The following DOCK3 variants were observed in gnomAD, a reference collection of about 807,000 sequenced individuals.
DOCK3 encodes dedicator of cytokinesis 3.
A neutral mutation model predicts 265.6 loss-of-function variants in DOCK3; 60 were observed. That is an observed-to-expected ratio of 0.23 (90% CI 0.18 to 0.28). DOCK3 has a LOEUF of 0.28. Among genes scored for constraint, DOCK3 ranks in the 10% least tolerant of loss-of-function variants. The pLI is 1.00. For missense variants in DOCK3, 1,981 were observed against 2,594.3 expected (o/e 0.76, Z 5.14); for synonymous variants, 881 against 938.0 (o/e 0.94, Z 1.11).
intron 2 of DOCK3, chr3:50,787,114 C>A (rs2042225167): frequency 4.2e-6 from 3 of 706,122 alleles, no homozygotes; most frequent in Non-Finnish European, 8.0e-6. Flanking sequence ...TTACAGGCAA[C>A]AAACTAAATG....
At position 50,741,751 on chromosome 3, in the gene DOCK3, T is replaced by G. The variant is rs573594932; in HGVS notation, c.38-36924T>G. Among the ~76,000 whole-genome samples the G allele has an allele frequency of 4.9e-3, 741 of 152,114 alleles. 9 individuals carry two copies. Among genetic ancestry groups the G allele is most frequent in the African/African-American group, 0.017 (697 of 41,474 alleles). On this transcript the variant is annotated intron_variant, in intron 1 of 52. Transcript: ENST00000266037. ...AATAAACATACGTGTGCGTGTGTCT[T>G]TATAGCAGCATGATTTATAGTCCTT... is the stretch of plus-strand genomic sequence containing the variant.
At chr3:50,865,988 T>G (rs1402341956) in intron 3 of DOCK3, among the ~76,000 whole-genome samples, 1 of 152,236 alleles carries the variant, frequency 6.6e-6, no homozygotes, top group African/African-American at 2.4e-5. Flanking sequence ...TTTGCCCATT[T>G]TTTGATCAGA....
At chr3:51,119,709 G>A (rs1038688449) in intron 9 of DOCK3, among the ~76,000 whole-genome samples, 2 of 151,704 alleles carry the variant, frequency 1.3e-5, no homozygotes, top group African/African-American at 4.8e-5. Flanking sequence ...ATTTCAGTAA[G>A]TTGATCTTCA....
chr3:50,801,677 T>G (rs559560216), intron 2 of DOCK3, among the ~76,000 whole-genome samples: 1 of 152,166 alleles, frequency 6.6e-6, no homozygotes, highest in Non-Finnish European at 1.5e-5. Flanking sequence ...ATTCTATAGC[T>G]GTTGGGTGAA....
At chr3:50,700,135 C>G (rs1559527427) in intron 1 of DOCK3, among the ~76,000 whole-genome samples, 1 of 152,044 alleles carries the variant, frequency 6.6e-6, no homozygotes, top group Non-Finnish European at 1.5e-5. Context: ...TGAAATCAGC[C>G]AGATGTAGTG....
At chr3:51,055,227 C>G (rs1301741800) in intron 5 of DOCK3, among the ~76,000 whole-genome samples, 2 of 152,120 alleles carry the variant, frequency 1.3e-5, no homozygotes, top group Non-Finnish European at 2.9e-5. Flanking sequence ...TTGTTAACAT[C>G]TGGGGAGCTC....
intron 2 of DOCK3, among the ~76,000 whole-genome samples, chr3:50,836,907 G>C (rs1576596028): frequency 1.3e-5 from 2 of 152,086 alleles, no homozygotes; most frequent in South Asian, 4.1e-4. Flanking sequence ...TCTAGGGCAG[G>C]GGCAAAATGC....
At chr3:51,263,482 A>T (rs2079976447) in intron 23 of DOCK3, among the ~76,000 whole-genome samples, 1 of 152,224 alleles carries the variant, frequency 6.6e-6, no homozygotes, top group Non-Finnish European at 1.5e-5. Flanking sequence ...AATTATAAGG[A>T]TCATCGACAC....
intron 2 of DOCK3, among the ~76,000 whole-genome samples, chr3:50,779,529 G>A (rs1315595783): frequency 2.6e-5 from 4 of 151,942 alleles, no homozygotes; most frequent in Admixed American, 2.0e-4. Flanking sequence ...GATTACAGGC[G>A]TCCACCACCA....
chr3:51,006,457 G>T (rs1043778014), intron 5 of DOCK3, among the ~76,000 whole-genome samples: 1 of 151,996 alleles, frequency 6.6e-6, no homozygotes, highest in African/African-American at 2.4e-5. Context: ...CTTTAAAATG[G>T]TTCTCCTGTA....
At position 51,016,547 on chromosome 3, in the gene DOCK3, T is replaced by TTC. The variant is rs1559944029; in HGVS notation, c.316-47900_316-47899insCT. Among the ~76,000 whole-genome samples, 76 of 15,820 alleles carry TTC rather than the reference T, an allele frequency of 4.8e-3. 4 individuals carry two copies. Among genetic ancestry groups the TTC allele is most frequent in the African/African-American group, 0.039 (75 of 1,902 alleles). The allele number at this position is 15,820 out of a possible 152,430, so 10.4% of individuals were successfully genotyped here. On this transcript the variant is annotated intron_variant, in intron 5 of 52. Transcript: ENST00000266037. ...TCTATATAATATATGATATATATAT[T>TTC]TATATATATCATATATTATATATAT...
At chr3:51,325,965 G>A (rs2084080975) in intron 32 of DOCK3, among the ~76,000 whole-genome samples, 2 of 151,522 alleles carry the variant, frequency 1.3e-5, no homozygotes, top group African/African-American at 4.9e-5. Flanking sequence ...TAATGTAGAA[G>A]ACAGGTTGAT....
intron 2 of DOCK3, among the ~76,000 whole-genome samples, chr3:50,810,060 AG>A (rs2043649046): frequency 1.3e-5 from 2 of 152,158 alleles, no homozygotes; most frequent in African/African-American, 4.8e-5. Flanking sequence ...GCTTGAGCCC[AG>A]GAGTTCCAGG....
chr3:50,896,759 T>C (rs546316695), intron 4 of DOCK3, among the ~76,000 whole-genome samples: 63 of 152,238 alleles, frequency 4.1e-4, no homozygotes, highest in Non-Finnish European at 7.6e-4. Context: ...CATTTCCCCA[T>C]TGCTTGTTTT....
intron 1 of DOCK3, among the ~76,000 whole-genome samples, chr3:50,680,601 C>G (rs1030876766): frequency 2.7e-5 from 4 of 145,466 alleles, no homozygotes; most frequent in Non-Finnish European, 4.5e-5. Context: ...TCATGGTAAC[C>G]TTGAACTCCT....
chr3:51,032,146 A>G (rs74461844), intron 5 of DOCK3, among the ~76,000 whole-genome samples: 3 of 52,290 alleles, frequency 5.7e-5, no homozygotes, highest in Non-Finnish European at 7.9e-5. Context: ...GTGTGTGTGT[A>G]TAAGTGTGCA....
chr3:50,805,708 T>C (rs1047898541), intron 2 of DOCK3, among the ~76,000 whole-genome samples: 7 of 152,132 alleles, frequency 4.6e-5, no homozygotes, highest in African/African-American at 1.7e-4. Flanking sequence ...TCATCTGATC[T>C]GGATTTTGCC....
intron 12 of DOCK3, among the ~76,000 whole-genome samples, chr3:51,191,372 T>C (rs1395397806): frequency 1.3e-5 from 2 of 152,064 alleles, no homozygotes; most frequent in Middle Eastern, 3.2e-3. Flanking sequence ...AGGTCCCCTG[T>C]GACGTAGAAT....
chr3:50,826,670 A>G (rs2044774484), intron 2 of DOCK3, among the ~76,000 whole-genome samples: 1 of 152,220 alleles, frequency 6.6e-6, no homozygotes, highest in African/African-American at 2.4e-5. Context: ...CTGAGAGATA[A>G]AGGAGATATT....
Sources: gnomAD v4.1 joint callset for allele counts (sites outside exome capture counted in the v4.1 genomes callset) on GRCh38, gnomAD v4.1.1 for gene constraint, MANE v1.5 for transcripts, NCBI Gene and HGNC (gene_info 2026-07-23, HGNC 2026-07-21) for gene names.